NEBL: variants seen among roughly 807,000 people sequenced by gnomAD.
The protein encoded by NEBL is nebulette, also known as LIM and SH3 protein 2.
In NEBL, 122 loss-of-function variants were observed where a neutral mutation model predicts 140.2. That is an observed-to-expected ratio of 0.87 (90% CI 0.75 to 1.01). NEBL has a LOEUF of 1.01. Ranked by LOEUF, NEBL falls within the 50% of genes least tolerant of loss-of-function variation. NEBL has a pLI of 0.00. For synonymous variants in NEBL, 436 were observed against 398.9 expected, an observed-to-expected ratio of 1.09 and a Z score of -1.11; for missense variants, 1,365 against 1,231.3, an observed-to-expected ratio of 1.11 and a Z score of -1.62.
chr10:21,026,454 T>C (rs1664041570), intron 2 of NEBL, among the ~76,000 whole-genome samples: 1 of 152,242 alleles, frequency 6.6e-6, no homozygotes, highest in African/African-American at 2.4e-5. Context: ...CTTCTAGCTC[T>C]AACAAATCTC....
intron 2 of NEBL, among the ~76,000 whole-genome samples, chr10:21,142,734 G>T (rs1839695494): frequency 1.3e-5 from 2 of 152,126 alleles, no homozygotes; most frequent in Non-Finnish European, 2.9e-5. Context: ...GATCAGCGGT[G>T]GTATTAGAGT....
rs534078006 is a variant in NEBL at position 21,155,006 on chromosome 10, C to G, written c.164+17377G>C. Reference sequence around the variant, plus strand: ...ACGAGGTCAGGAGTTCGAGACCAGCCTGGCCAACATGGTGAAACCCCATAT... The same window carrying G: ...ACGAGGTCAGGAGTTCGAGACCAGCGTGGCCAACATGGTGAAACCCCATAT... On this transcript the variant is annotated intron_variant, in intron 2 of 6. Coordinates refer to the NEBL transcript ENST00000417816. 8.9e-4 allele frequency among the ~76,000 whole-genome samples: 136 copies of G among 152,254 alleles called. 7 individuals are homozygous for G. In the South Asian group the frequency reaches 0.027, roughly 30 times the overall value.
At chr10:20,864,189 T>C (rs144697584) in intron 7 of NEBL, among the ~76,000 whole-genome samples, 38 of 152,282 alleles carry the variant, frequency 2.5e-4, no homozygotes, top group South Asian at 2.1e-4. Flanking sequence ...AACAAGATGA[T>C]CTATGGATAT....
At chr10:20,943,189 C>T (rs1395214614) in intron 4 of NEBL, among the ~76,000 whole-genome samples, 1 of 152,186 alleles carries the variant, frequency 6.6e-6, no homozygotes, top group African/African-American at 2.4e-5. Context: ...GGAACCAAGC[C>T]AAATGTCCAA....
chr10:21,131,236 G>T (rs1328485592), intron 2 of NEBL, among the ~76,000 whole-genome samples: 1 of 152,164 alleles, frequency 6.6e-6, no homozygotes. Flanking sequence ...CAAGAAATTG[G>T]ATCAATCATT....
chr10:21,027,453 GAGT>G (rs1480282819), intron 2 of NEBL, among the ~76,000 whole-genome samples: 4 of 151,660 alleles, frequency 2.6e-5, no homozygotes, highest in Admixed American at 6.6e-5. Context: ...TCAGCCTCCT[GAGT>G]AGCTGGGACC....
In NEBL at chr10:21,041,757, C is replaced by A. The variant is rs763211455; in HGVS notation, c.165-21556G>T. On this transcript the variant is annotated intron_variant, in intron 2 of 6. Transcript: ENST00000417816. Reference sequence around the variant, plus strand: ...CGACTGAGTATACTTATAGTTATTTCTTGATTATATGCTAAACAAGAGGTG... The same window carrying A: ...CGACTGAGTATACTTATAGTTATTTATTGATTATATGCTAAACAAGAGGTG... Among the ~76,000 whole-genome samples the A allele has an allele frequency of 2.0e-5, 3 of 152,256 alleles. No individual in the cohort carries two copies. The East Asian group carries it at 5.8e-4, about 29-fold the overall frequency.
chr10:21,198,479 C>T (rs1385572777), intron 3 of NEBL, among the ~76,000 whole-genome samples: 2 of 152,132 alleles, frequency 1.3e-5, no homozygotes, highest in Admixed American at 6.6e-5. Flanking sequence ...CCCAAAGCAC[C>T]ACCATCACAA....
intron 3 of NEBL, among the ~76,000 whole-genome samples, chr10:21,226,088 T>C (rs1842143175): frequency 6.6e-6 from 1 of 152,050 alleles, no homozygotes; most frequent in African/African-American, 2.4e-5. Flanking sequence ...CCAAGGGCTC[T>C]TTAGTCAGCA....
At chr10:20,841,610 C>CGATGAT (rs556740573) in intron 12 of NEBL, 1 of 151,470 alleles carries the variant, frequency 6.6e-6, no homozygotes, top group African/African-American at 2.4e-5. Flanking sequence ...CTATGGCTCA[C>CGATGAT]GATGATGATG....
At chr10:21,042,518 T>C (rs374992988) in intron 2 of NEBL, among the ~76,000 whole-genome samples, 17 of 152,392 alleles carry the variant, frequency 1.1e-4, no homozygotes, top group African/African-American at 4.1e-4. Context: ...CTAATTATGT[T>C]ACTACGTGGT....
chr10:21,003,498 T>C (rs1345857869), intron 3 of NEBL, among the ~76,000 whole-genome samples: 3 of 152,242 alleles, frequency 2.0e-5, no homozygotes, highest in Non-Finnish European at 2.9e-5. Context: ...ACATTTGAAC[T>C]ATTTTCTGAA....
chr10:20,951,539 C>T (rs1220769988), intron 4 of NEBL, among the ~76,000 whole-genome samples: 1 of 151,890 alleles, frequency 6.6e-6, no homozygotes, highest in Admixed American at 6.6e-5. Context: ...ATTGTATAAA[C>T]TTGGCTTAGA....
In NEBL at chr10:21,083,714, G is replaced by A. The variant is rs757216294; in HGVS notation, c.165-63513C>T. Among the ~76,000 whole-genome samples the A allele has an allele frequency of 7.2e-4, 109 of 152,104 alleles. 1 individual carries two copies. The highest frequency in any genetic ancestry group is 7.0e-3 in the Admixed American group (107 of 15,270). ...ACAAAAATTAGCCAGGCGTGGTTGCGTGCAGCTGTAGTCCCAGCTACTTAG... is the reference window on the plus strand; with the variant it reads ...ACAAAAATTAGCCAGGCGTGGTTGCATGCAGCTGTAGTCCCAGCTACTTAG... On this transcript the variant is annotated intron_variant, in intron 2 of 6. Coordinates refer to the NEBL transcript ENST00000417816.
chr10:21,114,787 A>T (rs557795815), intron 2 of NEBL, among the ~76,000 whole-genome samples: 4 of 150,450 alleles, frequency 2.7e-5, no homozygotes, highest in Admixed American at 6.6e-5. Flanking sequence ...GTGTCTTCAT[A>T]TTTAATAGAT....
chr10:20,899,929 A>G (rs908628889), upstream of NEBL, among the ~76,000 whole-genome samples: 1 of 152,174 alleles, frequency 6.6e-6, no homozygotes, highest in African/African-American at 2.4e-5. Flanking sequence ...ATAATATAAA[A>G]TTCATGCAAA....
intron 4 of NEBL, among the ~76,000 whole-genome samples, chr10:20,950,130 T>C (rs971784349): frequency 1.3e-5 from 2 of 152,214 alleles, no homozygotes; most frequent in African/African-American, 4.8e-5. Context: ...TGCTCTAACA[T>C]TGTCTGCTGC....
At chr10:20,786,387 TACTC>T (rs1378951030) in intron 27 of NEBL, among the ~76,000 whole-genome samples, 1 of 152,202 alleles carries the variant, frequency 6.6e-6, no homozygotes, top group Admixed American at 6.6e-5. Flanking sequence ...ACTCATAACA[TACTC>T]ACTATATAGG....
At chr10:21,124,801 C>T (rs1005794938) in intron 2 of NEBL, among the ~76,000 whole-genome samples, 12 of 152,168 alleles carry the variant, frequency 7.9e-5, no homozygotes, top group East Asian at 5.8e-4. Flanking sequence ...CAAAAATACA[C>T]GTTTTAAAAA....
Sources: gnomAD v4.1 joint callset for allele counts (sites outside exome capture counted in the v4.1 genomes callset) on GRCh38, gnomAD v4.1.1 for gene constraint, MANE v1.5 for transcripts, NCBI Gene and HGNC (gene_info 2026-07-23, HGNC 2026-07-21) for gene names.